The following ZNF850 variants were observed in gnomAD, a reference collection of about 807,000 sequenced individuals.
ZNF850 encodes zinc finger protein 850.
In ZNF850, 2 loss-of-function variants were observed where a neutral mutation model predicts 11.9. That is an observed-to-expected ratio of 0.17 (90% CI 0.07 to 0.53). The LOEUF is 0.53. Among genes scored for constraint, ZNF850 ranks in the 20% least tolerant of loss-of-function variants. The pLI is 0.94. For missense variants in ZNF850, 1,014 were observed against 1,316.4 expected (o/e 0.77, Z 3.55); for synonymous variants, 381 against 443.0 (o/e 0.86, Z 1.76).
Position 36,750,212 on chromosome 19 carries a change from A to G in ZNF850, c.828T>C (p.Thr276=), listed in dbSNP as rs2040444560. The G allele has an allele frequency of 6.5e-7, 1 of 1,538,902 alleles. No individual in the cohort carries two copies. Among genetic ancestry groups the G allele is most frequent in the Non-Finnish European group, 8.7e-7 (1 of 1,146,926 alleles). ...AHLIQHWRIH[T]GDKPYECKEC... ...CTTTACATTCATAAGGTTTGTCACC[A>G]GTATGAATTCTCCAATGTTGAATAA... Residue 276 remains threonine (T), a synonymous_variant, in exon 5 of 5, where the codon ACT becomes ACC. Transcript: ENST00000591344.
At chr19:36,759,974 T>G (rs988366591) in intron 4 of ZNF850, among the ~76,000 whole-genome samples, 3 of 152,322 alleles carry the variant, frequency 2.0e-5, no homozygotes, top group East Asian at 3.9e-4. Context: ...CACTTAAGTC[T>G]TCTATATTTA....
chr19:36,772,252 C>T (rs923068094), intron 1 of ZNF850, among the ~76,000 whole-genome samples: 3 of 152,152 alleles, frequency 2.0e-5, no homozygotes, highest in African/African-American at 4.8e-5. Flanking sequence ...AGGACTTTTA[C>T]CAAGGTCCCA....
chr19:36,772,511 G>T (rs187054201), intron 1 of ZNF850, among the ~76,000 whole-genome samples: 19 of 152,120 alleles, frequency 1.2e-4, no homozygotes, highest in Admixed American at 4.6e-4. Flanking sequence ...ACAGTCACCG[G>T]TTCTTCACAT....
rs1172046337 is a variant in ZNF850, at chr19:36,745,177, ATATG to A, written c.*2586_*2589del. ...AACCTTAAAATAACCTTCTTAAAAG[ATATG>A]TGTGTGTGTGTGTGTGTATATAAAT... is the stretch of plus-strand genomic sequence containing the variant. On this transcript the variant is annotated 3_prime_UTR_variant, in exon 5 of 5. Transcript: ENST00000591344. 1.4e-5 allele frequency: 1 copy of A among 71,408 alleles called. No homozygotes were observed. Among genetic ancestry groups the A allele is most frequent in the Non-Finnish European group, 2.9e-5 (1 of 34,110 alleles). 4.4% of individuals were successfully genotyped at this position (71,408 alleles called of 1,614,324 possible).
chr19:36,768,521 G>A (rs2040561816), intron 1 of ZNF850, among the ~76,000 whole-genome samples: 1 of 152,258 alleles, frequency 6.6e-6, no homozygotes, highest in South Asian at 2.1e-4. Flanking sequence ...CTTATAGTCT[G>A]ATGTACTTCA....
intron 4 of ZNF850, among the ~76,000 whole-genome samples, chr19:36,759,722 TA>T (rs980782758): frequency 2.6e-5 from 4 of 151,968 alleles, no homozygotes; most frequent in African/African-American, 4.8e-5. Flanking sequence ...AGTTAATAAT[TA>T]AAAAAAAATT....
chr19:36,758,814 C>T (rs2040501657), intron 4 of ZNF850, among the ~76,000 whole-genome samples: 1 of 152,128 alleles, frequency 6.6e-6, no homozygotes, highest in South Asian at 2.1e-4. Context: ...TGTAGTGGCT[C>T]ATGTCTGTAA....
chr19:36,763,206 A>G (rs1391775834), intron 1 of ZNF850, among the ~76,000 whole-genome samples: 2 of 151,966 alleles, frequency 1.3e-5, no homozygotes, highest in South Asian at 2.1e-4. Context: ...TCATTTCTTA[A>G]AGGAAGACAG....
intron 4 of ZNF850, among the ~76,000 whole-genome samples, chr19:36,751,698 CAAAAAAAAAAAA>C (rs398038336): frequency 3.8e-4 from 6 of 15,762 alleles, no homozygotes; most frequent in African/African-American, 5.2e-4. Flanking sequence ...GACTCCATCT[CAAAAAAAAAAAA>C]AAAAAAAAAA....
intron 4 of ZNF850, among the ~76,000 whole-genome samples, chr19:36,755,259 G>A (rs752304414): frequency 3.9e-5 from 6 of 152,152 alleles, no homozygotes; most frequent in South Asian, 4.2e-4. Flanking sequence ...ACAGAGTCTC[G>A]CTCTGTCACC....
chr19:36,761,606 C>T, intron 4 of ZNF850, 37 bp downstream of exon 4: 1 of 1,260,072 alleles, frequency 7.9e-7, no homozygotes, highest in South Asian at 1.3e-5. Context: ...GGCTTCTAAA[C>T]AGCAGTGTCT....
rs1253841456 is a variant in ZNF850 at position 36,750,452 on chromosome 19, G to C, written c.588C>G (p.Leu196=). Reference sequence around the variant, plus strand: ...CCTTCCCACACTCCTTACATTTATAGAGTTTTTCACCAGTATGGGTTTCTT... The same window carrying C: ...CCTTCCCACACTCCTTACATTTATACAGTTTTTCACCAGTATGGGTTTCTT... ...QQQETHTGEK[L]YKCKECGKAF... Residue 196 remains leucine, a synonymous_variant, in exon 5 of 5, where the codon CTC becomes CTG. Transcript: ENST00000591344. 2.0e-6 allele frequency: 3 copies of C among 1,536,420 alleles called. No homozygotes were observed. The Admixed American group carries it at 5.9e-5, about 30-fold the overall frequency.
rs569661655 is a variant in ZNF850 at position 36,748,543 on chromosome 19, G to T, written c.2497C>A (p.Pro833Thr). Residue 833 changes from proline to threonine, a missense_variant, in exon 5 of 5, where the codon CCA becomes ACA. By Grantham distance (38) the Pro-to-Thr change is conservative (BLOSUM62 -1). This residue lies in a region of ZNF850 where 835 missense variants were observed against 1,022.0 expected (regional missense o/e 0.82). Coordinates refer to ENST00000591344, the MANE Select transcript of ZNF850 (RefSeq NM_001193552.2). Reference sequence around the variant, plus strand: ...TAGCGTTTCTCACCAGTGTGAACTGGCCGATGTTGAATTAGTGCTGAGCGA... The same window carrying T: ...TAGCGTTTCTCACCAGTGTGAACTGTCCGATGTTGAATTAGTGCTGAGCGA... The part of the protein sequence containing the change: ...TLRSALIQHR[P>T]VHTGEKRYSC... 1.5e-5 allele frequency: 23 copies of T among 1,537,158 alleles called. No individual in the cohort carries two copies. In the Admixed American group the frequency reaches 2.0e-4, roughly 13 times the overall value.
chr19:36,750,819 G>C lies in ZNF850; in HGVS notation c.236-15C>G, dbSNP rs1351423780. 2.0e-6 allele frequency: 3 copies of C among 1,478,678 alleles called. No individual in the cohort carries two copies. Among genetic ancestry groups the C allele is most frequent in the Non-Finnish European group, 1.8e-6 (2 of 1,121,372 alleles). 91.6% of individuals were successfully genotyped at this position (1,478,678 alleles called of 1,614,324 possible). A position where few individuals can be genotyped will look rare whatever the true frequency, so the allele number is the denominator to read the frequency against. The stretch of plus-strand genomic sequence containing the variant: ...AAACTCCGAGTCTGAAAAATAACCA[G>C]AAAGCAAAAACATAGCATTTCCTTG... On this transcript the variant is annotated splice_polypyrimidine_tract_variant and intron_variant, in intron 4 of 4. Coordinates refer to ENST00000591344, the MANE Select transcript of ZNF850 (RefSeq NM_001193552.2).
chr19:36,761,746 T>C lies in ZNF850; in HGVS notation c.140-8A>G, dbSNP rs2040519756. 6.7e-7 allele frequency: 1 copy of C among 1,498,258 alleles called. No individual in the cohort carries two copies. The highest frequency in any genetic ancestry group is 1.4e-5 in the African/African-American group (1 of 72,292). 92.8% of individuals were successfully genotyped at this position (1,498,258 alleles called of 1,614,324 possible). A position where few individuals can be genotyped will look rare whatever the true frequency, so the allele number is the denominator to read the frequency against. ...GCTTTGGGATAGAGAGACCTGTTTATAAGAAAAGAAGTAAGATAGCCAGGC... is the reference window on the plus strand; with the variant it reads ...GCTTTGGGATAGAGAGACCTGTTTACAAGAAAAGAAGTAAGATAGCCAGGC... On this transcript the variant is annotated splice_polypyrimidine_tract_variant and splice_region_variant and intron_variant, in intron 3 of 4. Transcript: ENST00000591344.
chr19:36,768,472 C>T (rs538726541), intron 1 of ZNF850, among the ~76,000 whole-genome samples: 7 of 152,302 alleles, frequency 4.6e-5, no homozygotes, highest in South Asian at 2.1e-4. Context: ...CAATTGCTCT[C>T]TTTCAAACAT....
In ZNF850 at chr19:36,746,905, C is replaced by G. The variant is rs2040414566; in HGVS notation, c.*862G>C. ...TGGTGGCTCACACCTGTAATCCCAG[C>G]ACTTTGGGAGGCCGAGGTAGGGGGA... On this transcript the variant is annotated 3_prime_UTR_variant, in exon 5 of 5. Transcript: ENST00000591344. 6.6e-6 allele frequency: 1 copy of G among 151,986 alleles called. No individual in the cohort carries two copies. Among genetic ancestry groups the G allele is most frequent in the Non-Finnish European group, 1.5e-5 (1 of 68,032 alleles). The allele number at this position is 151,986 out of a possible 1,614,324, so 9.4% of individuals were successfully genotyped here. A position where few individuals can be genotyped will look rare whatever the true frequency, so the allele number is the denominator to read the frequency against.
chr19:36,748,134 G>C lies in ZNF850; in HGVS notation c.2906C>G (p.Thr969Ser). ...ACCGGTATGAATTCTCTGATGTAGAGTAAGGTGTGTACGCTGTCTGAAGGA... is the reference window on the plus strand; with the variant it reads ...ACCGGTATGAATTCTCTGATGTAGACTAAGGTGTGTACGCTGTCTGAAGGA... The part of the protein sequence containing the change: ...GKSFRQRTHL[T>S]LHQRIHTGDR... Residue 969 changes from threonine (T) to serine (S), a missense_variant, in exon 5 of 5, where the codon ACT (threonine) becomes AGT (serine). By Grantham distance (58) the Thr-to-Ser change is moderately conservative. Transcript: ENST00000591344. The C allele has an allele frequency of 1.3e-6, 2 of 1,549,918 alleles. No homozygotes were observed. Among genetic ancestry groups the C allele is most frequent in the East Asian group, 2.4e-5 (1 of 41,132 alleles).
chr19:36,745,338 AT>A lies in ZNF850; in HGVS notation c.*2428del, dbSNP rs906335068. 1 of 152,102 alleles carries A rather than the reference AT, an allele frequency of 6.6e-6. No homozygotes were observed. The highest frequency in any genetic ancestry group is 1.5e-5 in the Non-Finnish European group (1 of 68,026). The allele number at this position is 152,102 out of a possible 1,614,324, so 9.4% of individuals were successfully genotyped here. A position where few individuals can be genotyped will look rare whatever the true frequency, so the allele number is the denominator to read the frequency against. On this transcript the variant is annotated 3_prime_UTR_variant, in exon 5 of 5. Coordinates refer to ENST00000591344, the MANE Select transcript of ZNF850 (RefSeq NM_001193552.2). Reference sequence around the variant, plus strand: ...CGAAGTGCATAGACGATGAGGTAAGATTTTTTTCATCAACTTTATTGAAGTG... The same window carrying A: ...CGAAGTGCATAGACGATGAGGTAAGATTTTTTCATCAACTTTATTGAAGTG...
Sources: gnomAD v4.1 joint callset for allele counts (sites outside exome capture counted in the v4.1 genomes callset) on GRCh38, gnomAD v4.1.1 for gene constraint, gnomAD v4.1.1 regional missense constraint, MANE v1.5 for transcripts, NCBI Gene and HGNC (gene_info 2026-07-23, HGNC 2026-07-21) for gene names.